Variants in HS3ST5 observed in about 807,000 individuals in gnomAD.
HS3ST5 encodes the protein heparan sulfate-glucosamine 3-sulfotransferase 5.
A neutral mutation model predicts 25.4 loss-of-function variants in HS3ST5; 10 were observed. That is an observed-to-expected ratio of 0.39 (90% CI 0.24 to 0.67). The LOEUF (loss-of-function observed/expected upper bound fraction) is 0.67. HS3ST5 is among the 30% of genes least tolerant of loss of function. HS3ST5 has a pLI of 0.44. For missense variants in HS3ST5, 324 were observed against 420.7 expected (o/e 0.77, Z 2.01); for synonymous variants, 170 against 162.4 (o/e 1.05, Z -0.36).
intron 1 of HS3ST5, among the ~76,000 whole-genome samples, chr6:114,338,521 A>T (rs1446248657): frequency 6.6e-6 from 1 of 152,054 alleles, no homozygotes; most frequent in South Asian, 2.1e-4. Context: ...ATAGTAAGAC[A>T]CCATAATGGA....
chr6:114,210,286 T>A (rs1481272749), intron 2 of HS3ST5, among the ~76,000 whole-genome samples: 1 of 152,204 alleles, frequency 6.6e-6, no homozygotes, highest in Non-Finnish European at 1.5e-5. Context: ...AGCAAAAGCC[T>A]CTTGTAGACT....
chr6:114,155,572 C>T (rs773029284), intron 3 of HS3ST5, among the ~76,000 whole-genome samples: 43 of 152,318 alleles, frequency 2.8e-4, no homozygotes, highest in Non-Finnish European at 5.1e-4. Flanking sequence ...TCTGACTTTA[C>T]CTTTCTATAA....
rs1772753463 is a variant in HS3ST5, at chr6:114,055,950, G to A, written c.*1307C>T. 1 of 152,212 alleles carries A rather than the reference G, an allele frequency of 6.6e-6. No homozygotes were observed. The highest frequency in any genetic ancestry group is 2.1e-4 in the South Asian group (1 of 4,830). The allele number at this position is 152,212 out of a possible 1,614,324, so 9.4% of individuals were successfully genotyped here. ...AAATATGAGCCATATGTTTATGTTA[G>A]TAATGGCAACACTAGGCAGCTGAAT... is the stretch of plus-strand genomic sequence containing the variant. On this transcript the variant is annotated 3_prime_UTR_variant, in exon 5 of 5. Coordinates refer to ENST00000312719, the MANE Select transcript of HS3ST5 (RefSeq NM_153612.4).
At chr6:114,140,863 AT>A (rs567692142) in intron 3 of HS3ST5, among the ~76,000 whole-genome samples, 51 of 151,730 alleles carry the variant, frequency 3.4e-4, no homozygotes, top group East Asian at 1.5e-3. Flanking sequence ...TAGTTATGTA[AT>A]TTTTTTTTAG....
chr6:114,311,687 C>A (rs950581448), intron 1 of HS3ST5, among the ~76,000 whole-genome samples: 3 of 151,630 alleles, frequency 2.0e-5, no homozygotes, highest in African/African-American at 7.3e-5. Flanking sequence ...AGACTACAGG[C>A]ACGCAACACC....
At chr6:114,139,614 T>A (rs776647362) in intron 3 of HS3ST5, among the ~76,000 whole-genome samples, 1 of 152,190 alleles carries the variant, frequency 6.6e-6, no homozygotes, top group African/African-American at 2.4e-5. Flanking sequence ...TTATCCCCTA[T>A]TACTTATTTA....
At chr6:114,101,923 A>G (rs1005461748) in intron 3 of HS3ST5, among the ~76,000 whole-genome samples, 4 of 152,202 alleles carry the variant, frequency 2.6e-5, no homozygotes, top group African/African-American at 9.7e-5. Flanking sequence ...CATGGAGGTC[A>G]TTATCCTAAG....
At chr6:114,092,334 T>C (rs960807463) in intron 3 of HS3ST5, among the ~76,000 whole-genome samples, 3 of 152,196 alleles carry the variant, frequency 2.0e-5, no homozygotes, top group African/African-American at 7.2e-5. Flanking sequence ...GGCCTTGAAA[T>C]GCATTGTAAT....
chr6:114,068,043 C>T (rs12661982), intron 3 of HS3ST5, among the ~76,000 whole-genome samples: 25,954 of 151,682 alleles, frequency 0.17, 2,564 homozygotes, highest in African/African-American at 0.28. Context: ...TTAATAGCTT[C>T]GGGAGGTAGA....
intron 2 of HS3ST5, among the ~76,000 whole-genome samples, chr6:114,217,894 C>T (rs571926217): frequency 6.6e-6 from 1 of 152,286 alleles, no homozygotes; most frequent in South Asian, 2.1e-4. Flanking sequence ...ACTCACTTCC[C>T]TCACTCTCCT....
intron 1 of HS3ST5, among the ~76,000 whole-genome samples, chr6:114,264,434 G>A (rs1773314877): frequency 6.6e-6 from 1 of 152,116 alleles, no homozygotes. Flanking sequence ...GCATAGAAGA[G>A]CAAATTTCTT....
At chr6:114,261,973 C>A (rs1049783734) in intron 1 of HS3ST5, among the ~76,000 whole-genome samples, 1 of 152,190 alleles carries the variant, frequency 6.6e-6, no homozygotes, top group Non-Finnish European at 1.5e-5. Flanking sequence ...TCTTCTCACA[C>A]AATTTCTCTA....
At chr6:114,284,244 T>C (rs1238535912) in intron 1 of HS3ST5, among the ~76,000 whole-genome samples, 2 of 152,028 alleles carry the variant, frequency 1.3e-5, no homozygotes, top group African/African-American at 4.8e-5. Context: ...ACATTAAAAA[T>C]CCATTCTTCA....
chr6:114,314,018 C>A (rs753645025), intron 1 of HS3ST5, among the ~76,000 whole-genome samples: 4 of 152,176 alleles, frequency 2.6e-5, no homozygotes, highest in Admixed American at 6.5e-5. Context: ...CTCTGCCCCC[C>A]AGGCTCGCGT....
In HS3ST5 at chr6:114,057,067, C is replaced by G. The variant is rs1772808051; in HGVS notation, c.*190G>C. 3.9e-6 allele frequency: 2 copies of G among 515,938 alleles called. No homozygotes were observed. Among genetic ancestry groups the G allele is most frequent in the Admixed American group, 7.0e-5 (2 of 28,668 alleles). The allele number at this position is 515,938 out of a possible 1,614,324, so 32.0% of individuals were successfully genotyped here. ...TTAAAAGATGCGACTATGCAGACAG[C>G]AATTTTTTTTTTTTCGTAAATTTTC... On this transcript the variant is annotated 3_prime_UTR_variant, in exon 5 of 5. Transcript: ENST00000312719.
chr6:114,065,295 T>G (rs1773386258), intron 3 of HS3ST5, among the ~76,000 whole-genome samples: 2 of 152,256 alleles, frequency 1.3e-5, no homozygotes, highest in Admixed American at 1.3e-4. Flanking sequence ...CTATGTAATG[T>G]GATTCAGAGC....
At chr6:114,191,813 G>A (rs1420879019) in intron 2 of HS3ST5, among the ~76,000 whole-genome samples, 2 of 152,034 alleles carry the variant, frequency 1.3e-5, no homozygotes, top group African/African-American at 4.8e-5. Context: ...GAGGCAGACC[G>A]CTTGATTAGA....
chr6:114,340,719 A>T (rs1776792894), intron 1 of HS3ST5: 1 of 152,236 alleles, frequency 6.6e-6, no homozygotes, highest in South Asian at 2.1e-4. Context: ...GATAGCAATA[A>T]AACCTTTTTT....
intron 1 of HS3ST5, among the ~76,000 whole-genome samples, chr6:114,318,768 A>C (rs544882112): frequency 6.6e-6 from 1 of 152,156 alleles, no homozygotes; most frequent in Non-Finnish European, 1.5e-5. Flanking sequence ...CTCTTGGGGA[A>C]ATAGAAGCAG....
Sources: allele counts gnomAD v4.1 joint callset (sites outside exome capture counted in the v4.1 genomes callset), GRCh38; gene constraint gnomAD v4.1.1; transcripts MANE v1.5; gene names NCBI Gene and HGNC (gene_info 2026-07-23, HGNC 2026-07-21).